ITGA6: variants seen among roughly 807,000 people sequenced by gnomAD.
ITGA6 encodes integrin alpha-6.
Under a neutral mutation model 133.6 loss-of-function variants are expected in ITGA6, and 63 were observed. The observed-to-expected ratio is 0.47, with a 90% CI of 0.38 to 0.58. The LOEUF (loss-of-function observed/expected upper bound fraction) is 0.58. Among genes scored for constraint, ITGA6 ranks in the 20% least tolerant of loss-of-function variants. The pLI is 0.00. For missense variants in ITGA6, 1,068 were observed against 1,309.4 expected, an observed-to-expected ratio of 0.82 and a Z score of 2.85; for synonymous variants, 434 against 482.0, an observed-to-expected ratio of 0.90 and a Z score of 1.30.
At chr2:172,485,485 T>C (rs924351855) in intron 13 of ITGA6, among the ~76,000 whole-genome samples, 28 of 152,360 alleles carry the variant, frequency 1.8e-4, no homozygotes, top group East Asian at 5.8e-4. Flanking sequence ...ATTTTCCTTC[T>C]TCATTTTTGG....
Position 172,487,375 on chromosome 2 carries a change from C to T in ITGA6, c.2082C>T (p.Asp694=), listed in dbSNP as rs2293649. Residue 694 remains aspartate (D), a synonymous_variant, in exon 15 of 26, where the codon GAC becomes GAT. Transcript: ENST00000684293. The part of the protein sequence containing the change: ...NPRNPTKDGD[D]AHEAKLIATF... ...GGAATCCCACAAAAGATGGCGATGA[C>T]GCCCATGAGGCTAAACTGATTGCAA... The T allele has an allele frequency of 0.24, 394,848 of 1,612,818 alleles. 54,474 individuals carry two copies. The highest frequency in any genetic ancestry group is 0.57 in the East Asian group (25,460 of 44,882).
intron 3 of ITGA6, among the ~76,000 whole-genome samples, chr2:172,468,275 A>G (rs1414621230): frequency 2.6e-5 from 4 of 152,224 alleles, no homozygotes; most frequent in Admixed American, 1.3e-4. Flanking sequence ...AGGGATAGCA[A>G]AGAAAAGAGG....
At chr2:172,482,048 A>G (rs558644845) in intron 11 of ITGA6, among the ~76,000 whole-genome samples, 1 of 152,302 alleles carries the variant, frequency 6.6e-6, no homozygotes, top group South Asian at 2.1e-4. Flanking sequence ...CATTTTTTCA[A>G]ACCACTCTCA....
chr2:172,439,887 G>C (rs1034349161), intron 1 of ITGA6, among the ~76,000 whole-genome samples: 1 of 152,108 alleles, frequency 6.6e-6, no homozygotes, highest in Admixed American at 6.5e-5. Context: ...AGTTAAACTT[G>C]TGCCACATAA....
chr2:172,469,445 C>A, intron 4 of ITGA6, 65 bp downstream of exon 4: 2 of 1,466,930 alleles, frequency 1.4e-6, no homozygotes, highest in Non-Finnish European at 1.9e-6. Context: ...TGATTTAGTA[C>A]ATTTTGAGCT....
Position 172,506,248 on chromosome 2 carries a change from A to G in ITGA6, c.*2180A>G, listed in dbSNP as rs963382637. ...TGTGAAGCAAACTCTAAAATTATAAATGACAACCTGAATTATCTATTTCAT... is the reference window on the plus strand; with the variant it reads ...TGTGAAGCAAACTCTAAAATTATAAGTGACAACCTGAATTATCTATTTCAT... On this transcript the variant is annotated 3_prime_UTR_variant, in exon 26 of 26. Transcript: ENST00000684293. 6.6e-6 allele frequency: 1 copy of G among 152,662 alleles called. No homozygotes were observed. The highest frequency in any genetic ancestry group is 6.5e-5 in the Admixed American group (1 of 15,280). 9.5% of individuals were successfully genotyped at this position (152,662 alleles called of 1,614,324 possible).
Position 172,499,058 on chromosome 2 carries a change from C to A in ITGA6, c.3114+958C>A, listed in dbSNP as rs1687244186. 2.0e-5 allele frequency among the ~76,000 whole-genome samples: 3 copies of A among 152,182 alleles called. No individual in the cohort carries two copies. The South Asian group carries it at 6.2e-4, about 32-fold the overall frequency. On this transcript the variant is annotated intron_variant, in intron 24 of 25. Transcript: ENST00000684293. Reference sequence around the variant, plus strand: ...GTCTGGAGGGTTCTGTATGAACCATCAACCCCCTAGGATCAGACTATCCTT... The same window carrying A: ...GTCTGGAGGGTTCTGTATGAACCATAAACCCCCTAGGATCAGACTATCCTT...
intron 23 of ITGA6, among the ~76,000 whole-genome samples, chr2:172,496,255 T>G (rs1317963425): frequency 2.6e-5 from 4 of 152,198 alleles, no homozygotes; most frequent in African/African-American, 9.7e-5. Flanking sequence ...AGAGGGGAAG[T>G]GAGCCACGAG....
chr2:172,443,495 T>G (rs530309359), intron 1 of ITGA6, among the ~76,000 whole-genome samples: 1 of 152,208 alleles, frequency 6.6e-6, no homozygotes, highest in Admixed American at 6.5e-5. Flanking sequence ...CGGCTGATTC[T>G]GGAGGAGTGG....
At chr2:172,497,832 G>T in intron 23 of ITGA6, 143 bp from the exon 24 acceptor site, 2 of 802,858 alleles carry the variant, frequency 2.5e-6, no homozygotes. Context: ...TTAAGAGAAA[G>T]GATCTTGCAT....
At position 172,487,111 on chromosome 2, in the gene ITGA6, A is replaced by C. The variant is rs200970506; in HGVS notation, c.1943A>C (p.Asn648Thr). The C allele has an allele frequency of 1.7e-5, 27 of 1,608,658 alleles. No homozygotes were observed. Among genetic ancestry groups the C allele is most frequent in the Non-Finnish European group, 1.9e-5 (22 of 1,175,120 alleles). ...TATAAATTTTGCACCCGAGAAGGAA[A>C]TCAAGACAAATTTTCTTATTTACCA... is the stretch of plus-strand genomic sequence containing the variant. ...LEYKFCTREG[N>T]QDKFSYLPIQ... The change falls in exon 14 of 26, where the codon AAT (asparagine) becomes ACT (threonine). Residue 648 changes from asparagine to threonine, a missense_variant. Physicochemically the swap from Asn to Thr is moderately conservative, Grantham distance 65. Around this residue, in one of 3 missense-constraint regions of ITGA6, gnomAD observed 609 missense variants for 707.2 expected, o/e 0.86. Transcript: ENST00000684293.
At chr2:172,451,357 C>T (rs1258607244) in intron 1 of ITGA6, among the ~76,000 whole-genome samples, 7 of 144,710 alleles carry the variant, frequency 4.8e-5, no homozygotes, top group African/African-American at 1.3e-4. Context: ...CCCAGCTACT[C>T]GGGAGGCTGA....
intron 9 of ITGA6, among the ~76,000 whole-genome samples, chr2:172,477,447 C>G (rs1352152154): frequency 6.6e-6 from 1 of 152,146 alleles, no homozygotes; most frequent in Non-Finnish European, 1.5e-5. Context: ...TTATTCCCAT[C>G]TTCCACAAAA....
At chr2:172,459,458 C>T (rs1685341119) in intron 1 of ITGA6, among the ~76,000 whole-genome samples, 1 of 152,144 alleles carries the variant, frequency 6.6e-6, no homozygotes, top group Admixed American at 6.5e-5. Flanking sequence ...AGGTAGAGAT[C>T]ATGCCACTGC....
At chr2:172,494,895 A>C (rs1017507936) in intron 23 of ITGA6, among the ~76,000 whole-genome samples, 5 of 152,140 alleles carry the variant, frequency 3.3e-5, no homozygotes, top group African/African-American at 9.7e-5. Flanking sequence ...TAAAATGACC[A>C]AAAAAATGCA....
chr2:172,496,638 C>T (rs910641955), intron 23 of ITGA6, among the ~76,000 whole-genome samples: 10 of 146,606 alleles, frequency 6.8e-5, no homozygotes, highest in Admixed American at 6.6e-4. Flanking sequence ...AATGCTCCCC[C>T]TGAGTTTTGT....
intron 11 of ITGA6, among the ~76,000 whole-genome samples, chr2:172,481,183 ATGAGGTAATGAGTCCTC>A (rs1472012589): frequency 6.6e-6 from 1 of 152,220 alleles, no homozygotes. Context: ...TTACGATACT[ATGAGGTAATGAGTCCTC>A]TGAAGTGTTC....
At chr2:172,428,677 C>T (rs1333670223) in intron 1 of ITGA6, 2 of 152,298 alleles carry the variant, frequency 1.3e-5, no homozygotes, top group East Asian at 1.9e-4. Context: ...ACCCGAGACC[C>T]GCTCGGCTCC....
chr2:172,438,998 C>T (rs574471544), intron 1 of ITGA6, among the ~76,000 whole-genome samples: 3 of 152,050 alleles, frequency 2.0e-5, no homozygotes, highest in East Asian at 3.9e-4. Context: ...CAGAGAACCA[C>T]GACTTTTTAT....
Sources: gnomAD v4.1 joint callset for allele counts (sites outside exome capture counted in the v4.1 genomes callset) on GRCh38, gnomAD v4.1.1 for gene constraint, gnomAD v4.1.1 regional missense constraint, MANE v1.5 for transcripts, NCBI Gene and HGNC (gene_info 2026-07-23, HGNC 2026-07-21) for gene names.